The following SIK3 variants were observed in gnomAD, a reference collection of about 807,000 sequenced individuals.
The protein encoded by SIK3 is SIK family kinase 3.
A neutral mutation model predicts 144.2 loss-of-function variants in SIK3; 28 were observed. The ratio of observed to expected loss-of-function variants is 0.19; its 90% CI spans 0.14 to 0.27. The LOEUF is 0.27. SIK3 is among the 10% of genes least tolerant of loss of function. The probability of loss-of-function intolerance (pLI) is 1.00; values close to 1 mark genes in which losing one functional copy is unlikely to be tolerated. For synonymous variants in SIK3, 686 were observed against 676.3 expected (o/e 1.01, Z -0.22); for missense variants, 1,319 against 1,776.0 (o/e 0.74, Z 4.62).
At chr11:117,050,639 A>T (rs888162521) in intron 1 of SIK3, among the ~76,000 whole-genome samples, 5 of 152,018 alleles carry the variant, frequency 3.3e-5, no homozygotes, top group Non-Finnish European at 5.9e-5. Flanking sequence ...GTGAGCCGAG[A>T]TCACACCACT....
At chr11:117,006,686 T>G (rs751953274) in intron 1 of SIK3, among the ~76,000 whole-genome samples, 2 of 151,906 alleles carry the variant, frequency 1.3e-5, no homozygotes, top group Non-Finnish European at 2.9e-5. Flanking sequence ...CACAAACAAT[T>G]TTAAATGGTA....
At chr11:117,023,608 AC>A (rs145530247) in intron 1 of SIK3, among the ~76,000 whole-genome samples, 12,154 of 46,030 alleles carry the variant, frequency 0.26, 752 homozygotes, top group Non-Finnish European at 0.32. Flanking sequence ...AAACAAACAA[AC>A]AAAAAAAAAA....
intron 6 of SIK3, among the ~76,000 whole-genome samples, chr11:116,891,353 C>T (rs79500267): frequency 0.01 from 1,553 of 152,176 alleles, 29 homozygotes; most frequent in African/African-American, 0.035. Flanking sequence ...TGGTGGTATA[C>T]GCCTCTAGTC....
Position 116,858,613 on chromosome 11 carries a change from G to T in SIK3, c.2852C>A (p.Pro951His). 1 of 1,611,734 alleles carries T rather than the reference G, an allele frequency of 6.2e-7. No individual in the cohort carries two copies. The highest frequency in any genetic ancestry group is 1.3e-5 in the African/African-American group (1 of 74,988). ...TCCTGTTGAAGGGCTGTAGCTGCTG[G>T]GGGAACCCCGGGACTGGTCCGAAAA... ...HLFSDQSRGS[P>H]SSYSPSTGVG... Residue 951 changes from proline to histidine, a missense_variant, in exon 21 of 25, where the codon CCC becomes CAC. Coordinates refer to ENST00000445177, the MANE Select transcript of SIK3 (RefSeq NM_001366686.3). This position sits in a 1 kb window ranked among gnomAD's most constrained non-coding sequence, Gnocchi z 5.4.
intron 6 of SIK3, among the ~76,000 whole-genome samples, chr11:116,891,354 G>A (rs541632406): frequency 8.3e-4 from 127 of 152,266 alleles, no homozygotes; most frequent in Middle Eastern, 3.4e-3. Context: ...GGTGGTATAC[G>A]CCTCTAGTCT....
chr11:117,063,872 T>G (rs1283652026), intron 1 of SIK3, among the ~76,000 whole-genome samples: 1 of 152,138 alleles, frequency 6.6e-6, no homozygotes, highest in Non-Finnish European at 1.5e-5. Context: ...GGCCTGAAGT[T>G]TCTTAAGATT....
At chr11:116,861,197 T>C in intron 19 of SIK3, 77 bp downstream of exon 19, 1 of 1,130,954 alleles carries the variant, frequency 8.8e-7, no homozygotes, top group Non-Finnish European at 1.3e-6. Context: ...AAATGGTTTA[T>C]GGTGCTCAAA....
intron 1 of SIK3, among the ~76,000 whole-genome samples, chr11:117,086,919 G>A (rs912688401): frequency 2.7e-5 from 4 of 150,040 alleles, no homozygotes; most frequent in Non-Finnish European, 3.0e-5. Flanking sequence ...CACTTGAACC[G>A]GAGAGGCAGA....
intron 1 of SIK3, among the ~76,000 whole-genome samples, chr11:116,982,602 T>C (rs1366236562): frequency 6.6e-6 from 1 of 152,084 alleles, no homozygotes; most frequent in Non-Finnish European, 1.5e-5. Context: ...TTATTTTTCT[T>C]ACACTAGTTC....
At chr11:116,914,175 T>C (rs1946490462) in intron 4 of SIK3, among the ~76,000 whole-genome samples, 1 of 150,464 alleles carries the variant, frequency 6.6e-6, no homozygotes, top group Non-Finnish European at 1.5e-5. Context: ...TGTGAAAATA[T>C]GATAATGGGA....
intron 4 of SIK3, among the ~76,000 whole-genome samples, chr11:116,917,345 C>T (rs1397948867): frequency 6.6e-6 from 1 of 152,080 alleles, no homozygotes; most frequent in Admixed American, 6.6e-5. Context: ...TCTATAGCCA[C>T]TAATAAAAGT....
At chr11:116,899,859 C>T (rs1945643891) in intron 4 of SIK3, among the ~76,000 whole-genome samples, 1 of 152,178 alleles carries the variant, frequency 6.6e-6, no homozygotes, top group African/African-American at 2.4e-5. Flanking sequence ...TAAGCACCCA[C>T]CTACTCTCTG....
At chr11:116,965,740 T>TATAC (rs1313912220) in intron 1 of SIK3, among the ~76,000 whole-genome samples, 3 of 10,482 alleles carry the variant, frequency 2.9e-4, no homozygotes, top group African/African-American at 7.0e-4. Flanking sequence ...CTAAAATATA[T>TATAC]ATATATATAT....
At chr11:116,973,281 T>C (rs1307531524) in intron 1 of SIK3, among the ~76,000 whole-genome samples, 1 of 152,188 alleles carries the variant, frequency 6.6e-6, no homozygotes, top group African/African-American at 2.4e-5. Context: ...TGGTTCTTTA[T>C]AAGGTAGACA....
intron 13 of SIK3, among the ~76,000 whole-genome samples, chr11:116,872,513 A>G (rs1191390185): frequency 6.6e-6 from 1 of 152,246 alleles, no homozygotes; most frequent in African/African-American, 2.4e-5. Context: ...CATTACTGAA[A>G]GTGTGGCCCA....
At chr11:117,095,220 G>T (rs1449594170) in intron 1 of SIK3, among the ~76,000 whole-genome samples, 1 of 150,854 alleles carries the variant, frequency 6.6e-6, no homozygotes. Context: ...AAAAAAGGAG[G>T]GGGATCATAA....
intron 6 of SIK3, among the ~76,000 whole-genome samples, chr11:116,891,494 C>T (rs929641990): frequency 5.3e-5 from 8 of 152,142 alleles, no homozygotes; most frequent in Admixed American, 3.9e-4. Flanking sequence ...TCTATATATG[C>T]GTGTTCTGGG....
intron 3 of SIK3, among the ~76,000 whole-genome samples, chr11:116,928,815 A>G (rs1446256767): frequency 6.6e-6 from 1 of 152,248 alleles, no homozygotes; most frequent in Non-Finnish European, 1.5e-5. Context: ...AATCATTAAG[A>G]AAGATCCTCA....
intron 4 of SIK3, among the ~76,000 whole-genome samples, chr11:116,917,869 A>AGGAAAGGAAAGGAAAGGAAG (rs1946749415): frequency 6.6e-6 from 1 of 151,874 alleles, no homozygotes; most frequent in African/African-American, 2.4e-5. Context: ...AGGAAAGGAA[A>AGGAAAGGAAAGGAAAGGAAG]GGGAGAAACA....
Sources: allele counts gnomAD v4.1 joint callset (sites outside exome capture counted in the v4.1 genomes callset), GRCh38; gene constraint gnomAD v4.1.1; non-coding constraint Gnocchi (gnomAD v3.1); transcripts MANE v1.5; gene names NCBI Gene and HGNC (gene_info 2026-07-23, HGNC 2026-07-21).